PLK1: variants seen among roughly 807,000 people sequenced by gnomAD.
PLK1 encodes the protein polo like kinase 1.
PLK1 carries 6 observed loss-of-function variants against 56.7 expected under a neutral mutation model. The ratio of observed to expected loss-of-function variants is 0.11; its 90% CI spans 0.06 to 0.21. PLK1 has a LOEUF of 0.21. Ranked by LOEUF, PLK1 falls within the 10% of genes least tolerant of loss-of-function variation. PLK1 has a pLI of 1.00. For missense variants in PLK1, 546 were observed against 814.4 expected (o/e 0.67, Z 4.01); for synonymous variants, 298 against 325.0 (o/e 0.92, Z 0.89).
At chr16:23,687,911 T>C (rs1959454810) in intron 6 of PLK1, 3 of 219,586 alleles carry the variant, frequency 1.4e-5, no homozygotes, top group South Asian at 3.6e-4. Context: ...CAGACCCAGA[T>C]GTACTGCAGC....
chr16:23,679,542 T>C (rs1959297313), intron 1 of PLK1: 1 of 567,140 alleles, frequency 1.8e-6, no homozygotes, highest in Non-Finnish European at 3.1e-6. Context: ...AGGAGGGGGT[T>C]CCAGTGAAGT....
intron 5 of PLK1, among the ~76,000 whole-genome samples, chr16:23,685,846 G>T (rs1959419376): frequency 6.6e-6 from 1 of 151,818 alleles, no homozygotes; most frequent in Non-Finnish European, 1.5e-5. Flanking sequence ...ACTGTGCCCT[G>T]CCTAGAATGA....
Position 23,679,336 on chromosome 16 carries a change from G to C in PLK1, c.404G>C (p.Arg135Pro). ...FVFVVLELCRRRSLLELHKRR... is the reference protein window; with the variant it reads ...FVFVVLELCRPRSLLELHKRR... ...TTCGTGGTGTTGGAGCTCTGCCGCC[G>C]GAGGGTGAGTGTCGCTGCTGGGGAA... The change falls in exon 1 of 10, where the codon CGG (arginine) becomes CCG (proline). Residue 135 changes from arginine (R) to proline (P), a missense_variant. Around this residue, in one of 7 missense-constraint regions of PLK1, gnomAD observed 111 missense variants for 211.8 expected, o/e 0.52. Transcript: ENST00000300093. The C allele has an allele frequency of 6.2e-7, 1 of 1,610,482 alleles. No individual in the cohort carries two copies. Among genetic ancestry groups the C allele is most frequent in the Non-Finnish European group, 8.5e-7 (1 of 1,177,904 alleles).
At position 23,689,379 on chromosome 16, in the gene PLK1, C is replaced by T; in HGVS notation, c.1412C>T (p.Ser471Phe). ...CTCACCGTGAGTTCCCATCCCAACT[C>T]CTTGATGAAGAAGGTGAGTGCCGTC... is the stretch of plus-strand genomic sequence containing the variant. Reference protein sequence around the residue: ...SYLTVSSHPNSLMKKITLLKY... With the variant: ...SYLTVSSHPNFLMKKITLLKY... Residue 471 changes from serine to phenylalanine, a missense_variant, in exon 8 of 10, where the codon TCC becomes TTC. Transcript: ENST00000300093. This position sits in a 1 kb window ranked among gnomAD's most constrained non-coding sequence, Gnocchi z 4.8. The T allele has an allele frequency of 1.2e-6, 2 of 1,609,952 alleles. No individual in the cohort carries two copies. The highest frequency in any genetic ancestry group is 1.7e-6 in the Non-Finnish European group (2 of 1,176,408).
rs1265539499 is a variant in PLK1 at position 23,678,893 on chromosome 16, G to T, written c.-40G>T. On this transcript the variant is annotated 5_prime_UTR_variant, in exon 1 of 10. Transcript: ENST00000300093. ...CGGGGAGGAGCGGAGCGGTGCGGAG[G>T]CTCTGCTCGGATCGAGGTCTGCAGC... The T allele has an allele frequency of 1.7e-5, 24 of 1,449,738 alleles. No individual in the cohort carries two copies. Among genetic ancestry groups the T allele is most frequent in the Non-Finnish European group, 2.2e-5 (24 of 1,098,456 alleles). 89.8% of individuals were successfully genotyped at this position (1,449,738 alleles called of 1,614,324 possible). A position where few individuals can be genotyped will look rare whatever the true frequency, so the allele number is the denominator to read the frequency against.
intron 5 of PLK1, among the ~76,000 whole-genome samples, chr16:23,684,957 C>CTTTTTTT (rs71154221): frequency 1.2e-4 from 7 of 56,942 alleles, no homozygotes; most frequent in South Asian, 6.2e-4. Context: ...CAGGCCCGGC[C>CTTTTTTT]TTTTTTTTTT....
chr16:23,688,173 A>G (rs1160126975), intron 6 of PLK1, among the ~76,000 whole-genome samples: 1 of 152,236 alleles, frequency 6.6e-6, no homozygotes, highest in African/African-American at 2.4e-5. Context: ...ACTGAACGTA[A>G]CATTTTGATG....
rs752799647 is a variant in PLK1 at position 23,688,763 on chromosome 16, C to G, written c.1270+18C>G. ...CGGCCTTGGTAGGTTTCTTCCAGAA[C>G]AGGTGGGTGACTCAGGCACAGCCAG... On this transcript the variant is annotated intron_variant, in intron 7 of 9. Coordinates refer to ENST00000300093, the MANE Select transcript of PLK1 (RefSeq NM_005030.6). 6.3e-7 allele frequency: 1 copy of G among 1,576,124 alleles called. No homozygotes were observed. The highest frequency in any genetic ancestry group is 1.4e-5 in the African/African-American group (1 of 74,040).
At chr16:23,686,750 C>T (rs1368383988) in intron 5 of PLK1, among the ~76,000 whole-genome samples, 2 of 152,210 alleles carry the variant, frequency 1.3e-5, no homozygotes, top group African/African-American at 2.4e-5. Context: ...CTCGGTCTCT[C>T]ATAGTGTTGG....
rs753480677 is a variant in PLK1, at chr16:23,689,529, C to T, written c.1461C>T (p.Ser487=). The T allele has an allele frequency of 4.3e-6, 7 of 1,613,196 alleles. No individual in the cohort carries two copies. Among genetic ancestry groups the T allele is most frequent in the East Asian group, 4.5e-5 (2 of 44,842 alleles). The part of the protein sequence containing the change: ...TLLKYFRNYM[S]EHLLKAGANI... ...TTAAATATTTCCGCAATTACATGAGCGAGCACTTGCTGAAGGCAGGTGCCA... is the reference window on the plus strand; with the variant it reads ...TTAAATATTTCCGCAATTACATGAGTGAGCACTTGCTGAAGGCAGGTGCCA... Residue 487 remains serine, a synonymous_variant, in exon 9 of 10, where the codon AGC becomes AGT. Coordinates refer to ENST00000300093, the MANE Select transcript of PLK1 (RefSeq NM_005030.6). The surrounding 1 kb of genome is among the most constrained non-coding windows in gnomAD (Gnocchi z 4.8).
Position 23,689,742 on chromosome 16 carries a change from A to C in PLK1, c.1608+66A>C. ...GGCTCCGCATGCCTGGCAGTGGCCC[A>C]TGTGGGTTGAATGTGGAGTGAGCGG... On this transcript the variant is annotated intron_variant, in intron 9 of 9. Transcript: ENST00000300093. This position sits in a 1 kb window ranked among gnomAD's most constrained non-coding sequence, Gnocchi z 4.8. 6.5e-7 allele frequency: 1 copy of C among 1,549,082 alleles called. No individual in the cohort carries two copies. Among genetic ancestry groups the C allele is most frequent in the South Asian group, 1.1e-5 (1 of 87,180 alleles).
chr16:23,687,140 G>A (rs1470123487), intron 5 of PLK1: 1 of 182,032 alleles, frequency 5.5e-6, no homozygotes, highest in Non-Finnish European at 1.1e-5. Flanking sequence ...CCTTCCATCT[G>A]CCTGGATGCT....
intron 6 of PLK1, among the ~76,000 whole-genome samples, chr16:23,688,248 C>G (rs1959459702): frequency 6.6e-6 from 1 of 152,238 alleles, no homozygotes; most frequent in Non-Finnish European, 1.5e-5. Context: ...CTAGATGCCT[C>G]TGACTCTTAC....
In PLK1 at chr16:23,684,036, C is replaced by T. The variant is rs1440159569; in HGVS notation, c.983C>T (p.Ala328Val). Residue 328 changes from alanine to valine, a missense_variant, in exon 5 of 10, where the codon GCT (alanine) becomes GTT (valine). Coordinates refer to ENST00000300093, the MANE Select transcript of PLK1 (RefSeq NM_005030.6). ...CLTIPPRFSI[A>V]PSSLDPSNRK... ...ACCATTCCACCAAGGTTTTCGATTG[C>T]TCCCAGCAGCCTGGACCCCAGCAAC... 1 of 1,614,074 alleles carries T rather than the reference C, an allele frequency of 6.2e-7. No individual in the cohort carries two copies. The highest frequency in any genetic ancestry group is 8.5e-7 in the Non-Finnish European group (1 of 1,180,046).
intron 5 of PLK1, 85 bp downstream of exon 5, chr16:23,684,174 G>A: frequency 1.9e-6 from 2 of 1,037,486 alleles, no homozygotes; most frequent in South Asian, 1.3e-5. Flanking sequence ...CCCTGGCCCT[G>A]AGAGCTCAGG....
rs555192280 is a variant in PLK1 at position 23,684,544 on chromosome 16, G to T, written c.1036+455G>T. 2.6e-5 allele frequency among the ~76,000 whole-genome samples: 4 copies of T among 152,130 alleles called. No individual in the cohort carries two copies. In the East Asian group the frequency reaches 7.7e-4, roughly 29 times the overall value. ...GACTTTTCTAATTTTTGTAGAGACAGTGTTTTGCCATGTTGCCCAGGCTGG... is the reference window on the plus strand; with the variant it reads ...GACTTTTCTAATTTTTGTAGAGACATTGTTTTGCCATGTTGCCCAGGCTGG... On this transcript the variant is annotated intron_variant, in intron 5 of 9. Transcript: ENST00000300093.
At position 23,690,177 on chromosome 16, in the gene PLK1, T is replaced by G. The variant is rs1959525068; in HGVS notation, c.*114T>G. The G allele has an allele frequency of 1.3e-6, 1 of 780,698 alleles. No individual in the cohort carries two copies. Among genetic ancestry groups the G allele is most frequent in the Admixed American group, 1.9e-5 (1 of 52,414 alleles). 48.4% of individuals were successfully genotyped at this position (780,698 alleles called of 1,614,324 possible). ...CAGTGTGCCCCCCAGCCCCGGTGGC[T>G]GGGCAGAGCTGCATCATCCTTGCAG... is the stretch of plus-strand genomic sequence containing the variant. On this transcript the variant is annotated 3_prime_UTR_variant, in exon 10 of 10. Coordinates refer to ENST00000300093, the MANE Select transcript of PLK1 (RefSeq NM_005030.6).
At chr16:23,686,495 A>C (rs1365872992) in intron 5 of PLK1, among the ~76,000 whole-genome samples, 2 of 151,566 alleles carry the variant, frequency 1.3e-5, no homozygotes, top group African/African-American at 4.9e-5. Context: ...ATTATTTACT[A>C]TTTATTATTA....
At chr16:23,679,371 C>A in intron 1 of PLK1, 31 bp downstream of exon 1, 1 of 1,589,330 alleles carries the variant, frequency 6.3e-7, no homozygotes, top group South Asian at 1.1e-5. Flanking sequence ...ACTGGAACTG[C>A]CTGCGGGGCA....
Sources: allele counts gnomAD v4.1 joint callset (sites outside exome capture counted in the v4.1 genomes callset), GRCh38; gene constraint gnomAD v4.1.1; regional missense constraint gnomAD v4.1.1; non-coding constraint Gnocchi (gnomAD v3.1); transcripts MANE v1.5; gene names NCBI Gene and HGNC (gene_info 2026-07-23, HGNC 2026-07-21).